Variants in WWOX observed in about 807,000 individuals in gnomAD.
WWOX encodes the protein WW domain containing oxidoreductase, also known as WW domain-containing oxidoreductase.
A neutral mutation model predicts 46.2 loss-of-function variants in WWOX; 69 were observed. The ratio of observed to expected loss-of-function variants is 1.49; its 90% confidence interval spans 1.23 to 1.82. The LOEUF (loss-of-function observed/expected upper bound fraction) is 1.82, where lower values mean the gene tolerates loss of function less well. Among genes scored for constraint, WWOX ranks in the 40% most tolerant of loss-of-function variants. The probability of loss-of-function intolerance (pLI) is 0.00; values close to 1 mark genes in which losing one functional copy is unlikely to be tolerated. For synonymous variants in WWOX, 359 were observed against 202.6 expected (o/e 1.77, Z -6.56); for missense variants, 919 against 542.6 (o/e 1.69, Z -6.89).
intron 8 of WWOX, among the ~76,000 whole-genome samples, chr16:79,077,000 G>A (rs896255238): frequency 6.6e-6 from 1 of 152,138 alleles, no homozygotes. Context: ...TGAACTGTAT[G>A]AAATGACTGT....
chr16:79,020,019 C>CT (rs1597286245), intron 8 of WWOX, among the ~76,000 whole-genome samples: 1 of 152,228 alleles, frequency 6.6e-6, no homozygotes, highest in Admixed American at 6.5e-5. Context: ...TCATCATTAA[C>CT]ATGCCTTATC....
intron 5 of WWOX, chr16:78,166,805 C>G (rs534572634): frequency 2.6e-5 from 4 of 152,312 alleles, no homozygotes; most frequent in East Asian, 3.9e-4. Context: ...GATCTACACA[C>G]CTAGGCCTCC....
chr16:78,928,295 C>T (rs377362529), intron 8 of WWOX, among the ~76,000 whole-genome samples: 1 of 151,054 alleles, frequency 6.6e-6, no homozygotes, highest in African/African-American at 2.4e-5. Context: ...CTCCGCCTCC[C>T]GGGTTCACGC....
chr16:78,934,239 G>A (rs2045686674), intron 8 of WWOX, among the ~76,000 whole-genome samples: 1 of 151,286 alleles, frequency 6.6e-6, no homozygotes, highest in Admixed American at 6.6e-5. Flanking sequence ...TCGGGAGGCT[G>A]AGGCAGGAGA....
At chr16:79,100,632 C>T (rs190185541) in intron 8 of WWOX, among the ~76,000 whole-genome samples, 17 of 152,198 alleles carry the variant, frequency 1.1e-4, no homozygotes, top group African/African-American at 2.6e-4. Context: ...TGACAGGCCG[C>T]GTTGCAATTT....
chr16:78,820,563 C>T lies in WWOX; in HGVS notation c.1056+387811C>T, dbSNP rs969619513. Among the ~76,000 whole-genome samples, 10 of 152,134 alleles carry T rather than the reference C, an allele frequency of 6.6e-5. 1 individual carries two copies. The highest frequency in any genetic ancestry group is 6.2e-4 in the South Asian group (3 of 4,832). On this transcript the variant is annotated intron_variant, in intron 8 of 8. Transcript: ENST00000566780. Reference sequence around the variant, plus strand: ...GTTTTTATTGGGATTAGTGGATGAACTTAGGATTAGTGTGGCCCTTCCTTG... The same window carrying T: ...GTTTTTATTGGGATTAGTGGATGAATTTAGGATTAGTGTGGCCCTTCCTTG...
intron 8 of WWOX, among the ~76,000 whole-genome samples, chr16:78,657,653 A>G (rs1302608406): frequency 2.0e-5 from 3 of 152,160 alleles, no homozygotes; most frequent in Middle Eastern, 6.8e-3. Context: ...TCCCCTCTTG[A>G]ATTTCCTTGG....
chr16:78,597,828 T>G (rs1004864321), intron 8 of WWOX, among the ~76,000 whole-genome samples: 81 of 151,688 alleles, frequency 5.3e-4, no homozygotes, highest in African/African-American at 1.7e-3. Flanking sequence ...CCCCACTTTT[T>G]TTTTCTTTTT....
chr16:79,172,538 A>G (rs760464934), intron 8 of WWOX, among the ~76,000 whole-genome samples: 5 of 152,136 alleles, frequency 3.3e-5, no homozygotes, highest in Admixed American at 1.3e-4. Context: ...GAGTGGCTGC[A>G]TGAATTGCAT....
intron 5 of WWOX, among the ~76,000 whole-genome samples, chr16:78,335,869 A>G (rs1055221645): frequency 6.6e-6 from 1 of 152,158 alleles, no homozygotes; most frequent in Non-Finnish European, 1.5e-5. Context: ...AGGCGGGTGG[A>G]TCGCTTGAGG....
At chr16:78,785,076 C>T (rs979277731) in intron 8 of WWOX, among the ~76,000 whole-genome samples, 3 of 152,104 alleles carry the variant, frequency 2.0e-5, no homozygotes, top group African/African-American at 7.2e-5. Context: ...TGGGCAGTCT[C>T]CAGGGAATAT....
chr16:78,876,442 A>G (rs970339972), intron 8 of WWOX, among the ~76,000 whole-genome samples: 2 of 151,186 alleles, frequency 1.3e-5, no homozygotes, highest in African/African-American at 4.9e-5. Flanking sequence ...TTGTTAATCA[A>G]CAAATAGATT....
At chr16:78,752,027 A>C (rs1012524647) in intron 8 of WWOX, among the ~76,000 whole-genome samples, 1 of 152,024 alleles carries the variant, frequency 6.6e-6, no homozygotes, top group Non-Finnish European at 1.5e-5. Context: ...GGATGAGGAG[A>C]GAGACGACAC....
At chr16:79,061,872 G>C (rs970630183) in intron 8 of WWOX, among the ~76,000 whole-genome samples, 2 of 152,198 alleles carry the variant, frequency 1.3e-5, no homozygotes, top group African/African-American at 4.8e-5. Context: ...TTACTTGGTA[G>C]ACACTATGAT....
At chr16:78,767,084 C>T (rs2049940740) in intron 8 of WWOX, among the ~76,000 whole-genome samples, 1 of 122,676 alleles carries the variant, frequency 8.2e-6, no homozygotes, top group Non-Finnish European at 1.6e-5. Flanking sequence ...CTCCCTCCTT[C>T]TCTCTCTCCT....
intron 8 of WWOX, among the ~76,000 whole-genome samples, chr16:78,524,461 C>T (rs925618567): frequency 4.6e-5 from 7 of 151,826 alleles, no homozygotes; most frequent in Non-Finnish European, 1.0e-4. Flanking sequence ...TGCTCTTTTG[C>T]CCAAGCTGGA....
At chr16:78,940,381 C>A (rs534328241) in intron 8 of WWOX, among the ~76,000 whole-genome samples, 60 of 152,284 alleles carry the variant, frequency 3.9e-4, no homozygotes, top group South Asian at 6.2e-4. Context: ...AATGGGGTTA[C>A]TTCCCATCTT....
At chr16:78,612,006 G>A (rs2045912236) in intron 8 of WWOX, among the ~76,000 whole-genome samples, 1 of 152,152 alleles carries the variant, frequency 6.6e-6, no homozygotes, top group Non-Finnish European at 1.5e-5. Flanking sequence ...GATTCAATAG[G>A]CATTGGCTGA....
intron 8 of WWOX, among the ~76,000 whole-genome samples, chr16:79,032,523 C>G (rs1244604371): frequency 6.8e-6 from 1 of 147,420 alleles, no homozygotes; most frequent in Non-Finnish European, 1.5e-5. Flanking sequence ...AATATATATA[C>G]ACAATAGTCT....
Sources: gnomAD v4.1 joint callset for allele counts (sites outside exome capture counted in the v4.1 genomes callset) on GRCh38, gnomAD v4.1.1 for gene constraint, MANE v1.5 for transcripts, NCBI Gene and HGNC (gene_info 2026-07-23, HGNC 2026-07-21) for gene names.